HGSNAT: variants seen among roughly 807,000 people sequenced by gnomAD.
HGSNAT encodes heparan-alpha-glucosaminide N-acetyltransferase, also known as transmembrane protein 76.
HGSNAT carries 59 observed loss-of-function variants against 85.2 expected under a neutral mutation model. That is an observed-to-expected ratio of 0.69 (90% confidence interval 0.56 to 0.86). The LOEUF (loss-of-function observed/expected upper bound fraction) is 0.86, where lower values mean the gene tolerates loss of function less well. Among genes scored for constraint, HGSNAT ranks in the 40% least tolerant of loss-of-function variants. HGSNAT has a pLI of 0.00. For missense variants in HGSNAT, 756 were observed against 777.1 expected (o/e 0.97, Z 0.32); for synonymous variants, 321 against 304.5 (o/e 1.05, Z -0.56).
At chr8:43,182,003 A>G (rs768106889) in intron 10 of HGSNAT, 142 bp from the exon 11 acceptor site, 8 of 716,846 alleles carry the variant, frequency 1.1e-5, no homozygotes, top group African/African-American at 1.7e-5. Context: ...TTGACCGTAT[A>G]TATTTCCATG....
chr8:43,167,559 C>T (rs1803471125), intron 5 of HGSNAT, among the ~76,000 whole-genome samples: 1 of 152,186 alleles, frequency 6.6e-6, no homozygotes, highest in Non-Finnish European at 1.5e-5. Context: ...GTATTGCACA[C>T]TTAATAGACT....
At chr8:43,185,655 C>T (rs546630079) in intron 11 of HGSNAT, among the ~76,000 whole-genome samples, 44 of 152,292 alleles carry the variant, frequency 2.9e-4, no homozygotes, top group African/African-American at 1.1e-3. Context: ...ATTGCCCTGG[C>T]CAGAACTTCC....
chr8:43,164,553 G>T (rs1366188362), intron 5 of HGSNAT, among the ~76,000 whole-genome samples: 1 of 152,160 alleles, frequency 6.6e-6, no homozygotes, highest in African/African-American at 2.4e-5. Flanking sequence ...GCCTAGGCAG[G>T]TGGATCGCTT....
chr8:43,141,022 G>A (rs1802510161), intron 1 of HGSNAT, among the ~76,000 whole-genome samples: 1 of 152,208 alleles, frequency 6.6e-6, no homozygotes, highest in Non-Finnish European at 1.5e-5. Context: ...CCAGTCCACT[G>A]TTCGGAGGGA....
At chr8:43,141,258 C>G (rs899707862) in intron 1 of HGSNAT, among the ~76,000 whole-genome samples, 7 of 152,160 alleles carry the variant, frequency 4.6e-5, no homozygotes, top group Non-Finnish European at 1.0e-4. Context: ...CGTCTCCCCT[C>G]GGCGCGTTTT....
Position 43,173,753 on chromosome 8 carries a change from C to G in HGSNAT, c.851+10C>G, listed in dbSNP as rs778394235. On this transcript the variant is annotated intron_variant, in intron 9 of 17. Transcript: ENST00000379644. ...ACCTCGTGTTCCCGTGGTGAGTTGC[C>G]GGTCTGCCCTCTTCTCTTCCACGGG... 2.3e-5 allele frequency: 37 copies of G among 1,610,756 alleles called. No individual in the cohort carries two copies. The highest frequency in any genetic ancestry group is 2.9e-5 in the Non-Finnish European group (34 of 1,178,478).
chr8:43,173,943 C>T (rs574079640), intron 9 of HGSNAT, 200 bp downstream of exon 9: 26 of 483,492 alleles, frequency 5.4e-5, no homozygotes, highest in Middle Eastern at 1.2e-3. Flanking sequence ...GGGCCGGGCG[C>T]GGTGGCTCAC....
chr8:43,193,892 T>G, intron 14 of HGSNAT, 49 bp downstream of exon 14: 2 of 1,603,936 alleles, frequency 1.2e-6, no homozygotes, highest in Non-Finnish European at 1.7e-6. Context: ...TTATGATATT[T>G]TATTCACTCA....
intron 11 of HGSNAT, among the ~76,000 whole-genome samples, chr8:43,188,937 G>C (rs1480564940): frequency 1.3e-5 from 2 of 152,168 alleles, no homozygotes; most frequent in Non-Finnish European, 2.9e-5. Context: ...GTTTGCCTGG[G>C]TATCACCAGT....
intron 5 of HGSNAT, among the ~76,000 whole-genome samples, chr8:43,165,808 T>C (rs1370229575): frequency 1.3e-5 from 2 of 152,096 alleles, no homozygotes; most frequent in African/African-American, 4.8e-5. Context: ...TGGTGTTGCA[T>C]GCCTGTAATC....
chr8:43,173,274 G>A (rs1402424889), intron 8 of HGSNAT, among the ~76,000 whole-genome samples: 2 of 151,976 alleles, frequency 1.3e-5, no homozygotes, highest in Non-Finnish European at 2.9e-5. Flanking sequence ...ACAGGTGTGA[G>A]CCACACCACA....
intron 7 of HGSNAT, among the ~76,000 whole-genome samples, chr8:43,171,897 A>G (rs1803637400): frequency 6.6e-6 from 1 of 152,212 alleles, no homozygotes; most frequent in Non-Finnish European, 1.5e-5. Context: ...TCTTATGGCT[A>G]ATGACAGAAA....
Position 43,170,694 on chromosome 8 carries a change from G to A in HGSNAT, c.743G>A (p.Gly248Glu). 6.3e-7 allele frequency: 1 copy of A among 1,588,888 alleles called. No individual in the cohort carries two copies. Among genetic ancestry groups the A allele is most frequent in the Non-Finnish European group, 8.6e-7 (1 of 1,167,198 alleles). ...CTCCGCAGCGTGGACACCTTCAGGG[G>A]GTATGTGGGCCTCCCTGTAGCACAG... The part of the protein sequence containing the change: ...PRLRSVDTFR[G>E]IALILMVFVN... The change falls in exon 7 of 18, where the codon GGG becomes GAG. Residue 248 changes from glycine to glutamate, a missense_variant and splice_region_variant. Coordinates refer to ENST00000379644, the MANE Select transcript of HGSNAT (RefSeq NM_152419.3).
intron 2 of HGSNAT, among the ~76,000 whole-genome samples, chr8:43,155,846 T>C (rs1236602304): frequency 2.0e-5 from 3 of 152,136 alleles, no homozygotes; most frequent in Admixed American, 6.6e-5. Context: ...TGTCCTTTTT[T>C]TTTTCTTTTT....
At chr8:43,188,161 C>T (rs1392084401) in intron 11 of HGSNAT, among the ~76,000 whole-genome samples, 2 of 152,088 alleles carry the variant, frequency 1.3e-5, no homozygotes, top group African/African-American at 4.8e-5. Flanking sequence ...GTGGTGTTCT[C>T]TGTATTTCCT....
chr8:43,146,723 C>CTGTGTGTGTGCACATGCATGCATG (rs372144406), intron 1 of HGSNAT, among the ~76,000 whole-genome samples: 124 of 152,056 alleles, frequency 8.2e-4, no homozygotes, highest in African/African-American at 2.5e-3. Context: ...AAAAGGAGAC[C>CTGTGTGTGTGCACATGCATGCATG]TGTGTGTGTG....
rs766928181 is a variant in HGSNAT, at chr8:43,174,216, C to CA, written c.851+486dup. On this transcript the variant is annotated intron_variant, in intron 9 of 17. Coordinates refer to ENST00000379644, the MANE Select transcript of HGSNAT (RefSeq NM_152419.3). ...TGGGCGACAGAGTGAGACTTCATCT[C>CA]AAAAAAAAAAAAATAAAAAAAATAA... is the stretch of plus-strand genomic sequence containing the variant. The CA allele has an allele frequency of 3.9e-3, 438 of 111,682 alleles. 2 individuals carry two copies. Among genetic ancestry groups the CA allele is most frequent in the African/African-American group, 6.8e-3 (203 of 29,852 alleles). The allele number at this position is 111,682 out of a possible 1,614,324, so 6.9% of individuals were successfully genotyped here.
intron 11 of HGSNAT, among the ~76,000 whole-genome samples, chr8:43,184,078 T>C (rs1162256399): frequency 2.0e-5 from 3 of 152,232 alleles, no homozygotes; most frequent in Non-Finnish European, 4.4e-5. Context: ...CTATTGTGAA[T>C]AGTGCTGCAA....
rs1431355262 is a variant in HGSNAT, at chr8:43,186,051, T to G, written c.1128+3791T>G. 7.9e-5 allele frequency among the ~76,000 whole-genome samples: 12 copies of G among 152,222 alleles called. No homozygotes were observed. The East Asian group carries it at 2.3e-3, about 29-fold the overall frequency. On this transcript the variant is annotated intron_variant, in intron 11 of 17. Coordinates refer to ENST00000379644, the MANE Select transcript of HGSNAT (RefSeq NM_152419.3). ...TGGATTCGGTTTCCCAGTATTTTAT[T>G]GAGGATTTTTGCATCGATGTTCATC...
Sources: gnomAD v4.1 joint callset for allele counts (sites outside exome capture counted in the v4.1 genomes callset) on GRCh38, gnomAD v4.1.1 for gene constraint, MANE v1.5 for transcripts, NCBI Gene and HGNC (gene_info 2026-07-23, HGNC 2026-07-21) for gene names.